Variants in TMEM117 observed in about 807,000 individuals in gnomAD.
The protein encoded by TMEM117 is transmembrane protein 117.
Under a neutral mutation model 52.4 loss-of-function variants are expected in TMEM117, and 27 were observed. The observed-to-expected ratio is 0.51, with a 90% CI of 0.38 to 0.71. The LOEUF is 0.71. TMEM117 is among the 30% of genes least tolerant of loss of function. TMEM117 has a pLI of 0.00. For synonymous variants in TMEM117, 215 were observed against 206.3 expected (o/e 1.04, Z -0.36); for missense variants, 556 against 630.5 (o/e 0.88, Z 1.26).
chr12:44,377,942 TTCAAAATGAATG>T lies in TMEM117; in HGVS notation c.898+1219_898+1230del, dbSNP rs570755321. 1.5e-4 allele frequency among the ~76,000 whole-genome samples: 23 copies of T among 152,346 alleles called. No individual in the cohort carries two copies. The South Asian group carries it at 3.7e-3, about 25-fold the overall frequency. ...AAGATGCAGCAGGTTTCTTTTCCTA[TTCAAAATGAATG>T]AGGCCCATCTATTAAATTCACTGGG... On this transcript the variant is annotated intron_variant, in intron 7 of 7. Transcript: ENST00000266534.
intron 3 of TMEM117, among the ~76,000 whole-genome samples, chr12:44,141,603 A>G (rs1565845763): frequency 1.3e-5 from 2 of 152,136 alleles, no homozygotes; most frequent in Non-Finnish European, 2.9e-5. Flanking sequence ...ATATTCTAGA[A>G]CTAATTGGAA....
chr12:44,220,403 A>C (rs1949772721), intron 5 of TMEM117, among the ~76,000 whole-genome samples: 1 of 152,210 alleles, frequency 6.6e-6, no homozygotes, highest in Non-Finnish European at 1.5e-5. Flanking sequence ...ATCAGTATGA[A>C]TTCATGTTTA....
At chr12:43,866,669 T>A (rs1190971141) in intron 2 of TMEM117, among the ~76,000 whole-genome samples, 1 of 152,222 alleles carries the variant, frequency 6.6e-6, no homozygotes, top group African/African-American at 2.4e-5. Flanking sequence ...CTAAGGAAAG[T>A]TCTTCAGGCT....
upstream of TMEM117, among the ~76,000 whole-genome samples, chr12:43,831,513 G>A (rs1359882787): frequency 6.7e-5 from 10 of 150,160 alleles, no homozygotes; most frequent in Non-Finnish European, 1.3e-4. Flanking sequence ...TGAGGTGAAC[G>A]GAAAAACATC....
chr12:44,014,446 G>A (rs543679504), intron 3 of TMEM117, among the ~76,000 whole-genome samples: 2 of 152,244 alleles, frequency 1.3e-5, no homozygotes, highest in East Asian at 1.9e-4. Flanking sequence ...ATATGAGCCC[G>A]AGGTAGAAAT....
intron 3 of TMEM117, among the ~76,000 whole-genome samples, chr12:44,007,079 T>A (rs1235094717): frequency 6.6e-6 from 1 of 152,186 alleles, no homozygotes; most frequent in African/African-American, 2.4e-5. Context: ...GGGTAGTGCA[T>A]GTACCTTATA....
intron 3 of TMEM117, among the ~76,000 whole-genome samples, chr12:44,135,442 C>A (rs1019915499): frequency 3.3e-5 from 5 of 152,076 alleles, no homozygotes; most frequent in African/African-American, 1.2e-4. Flanking sequence ...AGGTGCTTAT[C>A]CAATATAAAT....
At chr12:44,237,392 A>G (rs936958967) in intron 5 of TMEM117, among the ~76,000 whole-genome samples, 1 of 151,900 alleles carries the variant, frequency 6.6e-6, no homozygotes, top group African/African-American at 2.4e-5. Context: ...ACACTTGTTT[A>G]TATACCCCCC....
At chr12:44,030,415 G>C (rs1946614277) in intron 3 of TMEM117, among the ~76,000 whole-genome samples, 1 of 152,144 alleles carries the variant, frequency 6.6e-6, no homozygotes, top group Non-Finnish European at 1.5e-5. Flanking sequence ...GTGTGTCCTA[G>C]GATAGGCTCC....
At chr12:43,968,778 C>A (rs1228029485) in intron 3 of TMEM117, among the ~76,000 whole-genome samples, 2 of 152,024 alleles carry the variant, frequency 1.3e-5, no homozygotes, top group Non-Finnish European at 2.9e-5. Flanking sequence ...CCACATTAAT[C>A]TAGGAATAGT....
At chr12:44,205,496 C>A (rs1470795964) in intron 4 of TMEM117, among the ~76,000 whole-genome samples, 3 of 152,028 alleles carry the variant, frequency 2.0e-5, no homozygotes, top group Non-Finnish European at 4.4e-5. Flanking sequence ...AAAATACTTG[C>A]AAAATATCCA....
At chr12:43,829,325 T>A in the TMEM117 span, among the ~76,000 whole-genome samples, 1 of 152,226 alleles carries the variant, frequency 6.6e-6, no homozygotes. Flanking sequence ...ATGGTGATTA[T>A]AAGCCATCTA....
chr12:44,040,502 CA>C (rs1314509162), intron 3 of TMEM117, among the ~76,000 whole-genome samples: 7 of 152,110 alleles, frequency 4.6e-5, no homozygotes, highest in African/African-American at 1.4e-4. Flanking sequence ...ATCTGGCAAA[CA>C]GGCTAAAATT....
At position 44,388,714 on chromosome 12, in the gene TMEM117, A is replaced by G. The variant is rs370747718; in HGVS notation, c.*42A>G. The G allele has an allele frequency of 6.3e-7, 1 of 1,581,256 alleles. No homozygotes were observed. Among genetic ancestry groups the G allele is most frequent in the Non-Finnish European group, 8.6e-7 (1 of 1,166,124 alleles). On this transcript the variant is annotated 3_prime_UTR_variant, in exon 8 of 8. Coordinates refer to ENST00000266534, the MANE Select transcript of TMEM117 (RefSeq NM_032256.3). ...GGAGATAACACAAAAAGCAACCTTG[A>G]GTGTAACTTTAAAAATTTAGTCTTT...
intron 4 of TMEM117, among the ~76,000 whole-genome samples, chr12:44,189,816 T>C (rs888661466): frequency 2.0e-5 from 3 of 152,194 alleles, no homozygotes; most frequent in African/African-American, 7.2e-5. Flanking sequence ...AAAAATAGTT[T>C]TATAAATACA....
chr12:44,152,148 T>C (rs1251562770), intron 4 of TMEM117, among the ~76,000 whole-genome samples: 7 of 111,956 alleles, frequency 6.3e-5, no homozygotes, highest in Admixed American at 3.4e-4. Context: ...TATTTATATA[T>C]TTATATTTAC....
chr12:44,245,712 AG>A (rs1252058564), intron 5 of TMEM117, among the ~76,000 whole-genome samples: 4 of 151,936 alleles, frequency 2.6e-5, no homozygotes, highest in Admixed American at 2.6e-4. Flanking sequence ...TTAAGGAAAA[AG>A]CTTAGGGAGC....
rs557359237 is a variant in TMEM117, at chr12:44,059,477, G to A, written c.411-84048G>A. ...TAGCAGATGTATTTTAGTTGTTTAAGAATGTGTGATAATCTCACTCTTTCA... is the reference window on the plus strand; with the variant it reads ...TAGCAGATGTATTTTAGTTGTTTAAAAATGTGTGATAATCTCACTCTTTCA... On this transcript the variant is annotated intron_variant, in intron 3 of 7. Coordinates refer to ENST00000266534, the MANE Select transcript of TMEM117 (RefSeq NM_032256.3). Among the ~76,000 whole-genome samples, 11 of 152,266 alleles carry A rather than the reference G, an allele frequency of 7.2e-5. No homozygotes were observed. The South Asian group carries it at 2.3e-3, about 32-fold the overall frequency.
chr12:44,220,270 A>G (rs1949771177), intron 5 of TMEM117, among the ~76,000 whole-genome samples: 1 of 152,160 alleles, frequency 6.6e-6, no homozygotes, highest in Non-Finnish European at 1.5e-5. Context: ...TTGATTGATG[A>G]GTAAATGAAT....
Sources: allele counts gnomAD v4.1 joint callset (sites outside exome capture counted in the v4.1 genomes callset), GRCh38; gene constraint gnomAD v4.1.1; transcripts MANE v1.5; gene names NCBI Gene and HGNC (gene_info 2026-07-23, HGNC 2026-07-21).